MAML2: variants seen among roughly 807,000 people sequenced by gnomAD.
MAML2 encodes the protein mastermind like transcriptional coactivator 2, also known as mastermind-like protein 2.
Under a neutral mutation model 96.1 loss-of-function variants are expected in MAML2, and 22 were observed. That is an observed-to-expected ratio of 0.23 (90% CI 0.16 to 0.33). The LOEUF (loss-of-function observed/expected upper bound fraction) is 0.33. Ranked by LOEUF, MAML2 falls within the 10% of genes least tolerant of loss-of-function variation. MAML2 has a pLI of 1.00. For missense variants in MAML2, 1,367 were observed against 1,392.4 expected, an observed-to-expected ratio of 0.98 and a Z score of 0.29; for synonymous variants, 561 against 521.3, an observed-to-expected ratio of 1.08 and a Z score of -1.04.
chr11:96,093,812 A>T (rs1047426574), intron 1 of MAML2, among the ~76,000 whole-genome samples: 1 of 152,236 alleles, frequency 6.6e-6, no homozygotes, highest in Non-Finnish European at 1.5e-5. Flanking sequence ...TTCAAATATC[A>T]TAAGAAGTTA....
intron 2 of MAML2, among the ~76,000 whole-genome samples, chr11:96,000,972 C>A (rs1426588087): frequency 6.6e-6 from 1 of 152,198 alleles, no homozygotes; most frequent in African/African-American, 2.4e-5. Context: ...GTTTAGTATT[C>A]TTCTTTCCCC....
At position 96,323,108 on chromosome 11, in the gene MAML2, T is replaced by TAA. The variant is rs11402930; in HGVS notation, c.513+18273_513+18274dup. Among the ~76,000 whole-genome samples, 1,098 of 145,574 alleles carry TAA rather than the reference T, an allele frequency of 7.5e-3. 14 individuals carry two copies. Among genetic ancestry groups the TAA allele is most frequent in the African/African-American group, 0.024 (950 of 39,698 alleles). On this transcript the variant is annotated intron_variant, in intron 1 of 4. Coordinates refer to ENST00000524717, the MANE Select transcript of MAML2 (RefSeq NM_032427.4). ...CTAGCATGAAAAGAGGCTACTGGTT[T>TAA]AAAAAAAAAAAAAAGCACTCTCCAA... is the stretch of plus-strand genomic sequence containing the variant.
intron 1 of MAML2, among the ~76,000 whole-genome samples, chr11:96,291,958 A>G (rs759018269): frequency 1.3e-5 from 2 of 152,354 alleles, no homozygotes; most frequent in East Asian, 3.9e-4. Context: ...TTTATGCAGC[A>G]TGTGAGTCTC....
At chr11:96,218,918 A>T (rs1315949835) in intron 1 of MAML2, among the ~76,000 whole-genome samples, 1 of 152,258 alleles carries the variant, frequency 6.6e-6, no homozygotes, top group African/African-American at 2.4e-5. Flanking sequence ...TATTTGCTAA[A>T]TCTGGCAACC....
At chr11:96,020,030 T>A (rs1858412600) in intron 2 of MAML2, among the ~76,000 whole-genome samples, 1 of 152,190 alleles carries the variant, frequency 6.6e-6, no homozygotes, top group Non-Finnish European at 1.5e-5. Context: ...GTTAATAGAT[T>A]CACATTCTCT....
intron 1 of MAML2, among the ~76,000 whole-genome samples, chr11:96,252,649 A>G (rs894837569): frequency 2.0e-5 from 3 of 152,150 alleles, no homozygotes; most frequent in South Asian, 2.1e-4. Flanking sequence ...TGGTCTCAAC[A>G]TGACAGGCTT....
chr11:96,322,298 G>T (rs189848705), intron 1 of MAML2, among the ~76,000 whole-genome samples: 12 of 152,200 alleles, frequency 7.9e-5, no homozygotes, highest in East Asian at 3.9e-4. Context: ...ATGGTAAGAG[G>T]TCACTTAAAA....
intron 1 of MAML2, among the ~76,000 whole-genome samples, chr11:96,100,735 CTTTTTTTTTTTTCT>C (rs1220658451): frequency 1.1e-4 from 15 of 136,160 alleles, no homozygotes; most frequent in African/African-American, 3.9e-4. Context: ...GTCAAAATAG[CTTTTTTTTTTTTCT>C]TTTTTTTTTT....
At chr11:96,127,666 A>G (rs1441646421) in intron 1 of MAML2, among the ~76,000 whole-genome samples, 1 of 152,240 alleles carries the variant, frequency 6.6e-6, no homozygotes, top group Non-Finnish European at 1.5e-5. Context: ...TCTGGAGAGA[A>G]GTTTAGAGTA....
chr11:96,015,511 A>G (rs181391885), intron 2 of MAML2, among the ~76,000 whole-genome samples: 61 of 138,602 alleles, frequency 4.4e-4, no homozygotes, highest in African/African-American at 1.6e-3. Context: ...CATGTTTTCT[A>G]TTGGGCCAAT....
intron 1 of MAML2, among the ~76,000 whole-genome samples, chr11:96,332,682 G>C (rs1335868113): frequency 2.0e-5 from 3 of 152,204 alleles, no homozygotes; most frequent in Non-Finnish European, 4.4e-5. Flanking sequence ...AAGTAGCACG[G>C]TGTGGCAATC....
At chr11:96,094,747 C>T (rs1320052762) in intron 1 of MAML2, among the ~76,000 whole-genome samples, 1 of 152,148 alleles carries the variant, frequency 6.6e-6, no homozygotes, top group Non-Finnish European at 1.5e-5. Flanking sequence ...GTGTGGCTTT[C>T]CCAGTGCTGC....
chr11:96,282,256 AAATAAT>A (rs914258547), intron 1 of MAML2, among the ~76,000 whole-genome samples: 52 of 147,832 alleles, frequency 3.5e-4, no homozygotes, highest in East Asian at 7.9e-4. Context: ...CTCAAAAAAA[AAATAAT>A]AATAATAATA....
chr11:96,251,630 C>A (rs1426325644), intron 1 of MAML2, among the ~76,000 whole-genome samples: 2 of 152,082 alleles, frequency 1.3e-5, no homozygotes, highest in Non-Finnish European at 2.9e-5. Context: ...CAGTGATTAT[C>A]CCTTTTAATT....
intron 2 of MAML2, among the ~76,000 whole-genome samples, chr11:96,042,764 C>T (rs80209784): frequency 4.3e-4 from 20 of 46,696 alleles, no homozygotes; most frequent in Admixed American, 1.7e-3. Flanking sequence ...TTTTTTTTTG[C>T]GACGGAGTCT....
intron 1 of MAML2, among the ~76,000 whole-genome samples, chr11:96,097,339 G>C (rs1186521756): frequency 6.6e-6 from 1 of 152,194 alleles, no homozygotes; most frequent in African/African-American, 2.4e-5. Context: ...TAAAGGCAAG[G>C]GTTTAAATAG....
intron 1 of MAML2, among the ~76,000 whole-genome samples, chr11:96,260,497 G>A (rs1488125574): frequency 6.6e-6 from 1 of 152,190 alleles, no homozygotes; most frequent in Non-Finnish European, 1.5e-5. Context: ...ATGGACATCT[G>A]ATAGGAGAGG....
At chr11:96,313,961 C>T (rs1221809886) in intron 1 of MAML2, among the ~76,000 whole-genome samples, 1 of 152,180 alleles carries the variant, frequency 6.6e-6, no homozygotes, top group African/African-American at 2.4e-5. Flanking sequence ...TACCCTGATA[C>T]ATCCCGTGAA....
intron 1 of MAML2, among the ~76,000 whole-genome samples, chr11:96,307,972 T>C (rs1863487942): frequency 6.6e-6 from 1 of 152,194 alleles, no homozygotes; most frequent in African/African-American, 2.4e-5. Flanking sequence ...AAGAGAGTCC[T>C]GGCTTCATGT....
Sources: allele counts gnomAD v4.1 joint callset (sites outside exome capture counted in the v4.1 genomes callset), GRCh38; gene constraint gnomAD v4.1.1; transcripts MANE v1.5; gene names NCBI Gene and HGNC (gene_info 2026-07-23, HGNC 2026-07-21).